SSH2: variants seen among roughly 807,000 people sequenced by gnomAD.
The protein encoded by SSH2 is slingshot protein phosphatase 2.
Under a neutral mutation model 135.2 loss-of-function variants are expected in SSH2, and 37 were observed. The observed-to-expected ratio is 0.27, with a 90% confidence interval of 0.21 to 0.36. The LOEUF (loss-of-function observed/expected upper bound fraction) is 0.36, where lower values mean the gene tolerates loss of function less well. SSH2 is among the 10% of genes least tolerant of loss of function. SSH2 has a pLI of 1.00. For missense variants in SSH2, 1,408 were observed against 1,765.3 expected, an observed-to-expected ratio of 0.80 and a Z score of 3.63; for synonymous variants, 628 against 646.2, an observed-to-expected ratio of 0.97 and a Z score of 0.43.
intron 1 of SSH2, chr17:29,928,613 G>T (rs1231147976): frequency 2.5e-6 from 1 of 398,400 alleles, no homozygotes; most frequent in Non-Finnish European, 4.4e-6. Context: ...TATAACCTTT[G>T]AAATAAAATC....
intron 13 of SSH2, among the ~76,000 whole-genome samples, chr17:29,648,826 G>A (rs1404095357): frequency 2.6e-5 from 4 of 152,050 alleles, no homozygotes; most frequent in Non-Finnish European, 5.9e-5. Flanking sequence ...GTGAAACCCC[G>A]TCTCTACTAA....
rs67531248 is a variant in SSH2, at chr17:29,719,080, AC to A, written c.189-16019del. On this transcript the variant is annotated intron_variant, in intron 3 of 15. Coordinates refer to ENST00000540801, the MANE Select transcript of SSH2 (RefSeq NM_001282129.2). ...AGGATAGCAATACTGGGCGGCAACAACCACTATGGACCACCCTGGAGGCCAG... is the reference window on the plus strand; with the variant it reads ...AGGATAGCAATACTGGGCGGCAACAACACTATGGACCACCCTGGAGGCCAG... Among the ~76,000 whole-genome samples the A allele has an allele frequency of 6.5e-3, 996 of 152,292 alleles. 6 individuals carry two copies. Among genetic ancestry groups the A allele is most frequent in the African/African-American group, 0.023 (954 of 41,572 alleles).
At chr17:29,704,637 A>G (rs2039123522) in intron 3 of SSH2, among the ~76,000 whole-genome samples, 1 of 146,898 alleles carries the variant, frequency 6.8e-6, no homozygotes, top group South Asian at 2.3e-4. Flanking sequence ...TAGGAGTTCG[A>G]GATTATAGTG....
intron 2 of SSH2, among the ~76,000 whole-genome samples, chr17:29,832,512 C>T (rs893220482): frequency 6.6e-6 from 1 of 152,156 alleles, no homozygotes; most frequent in Admixed American, 6.5e-5. Context: ...TTTAAAATTT[C>T]TTTCTTAACT....
chr17:29,660,663 T>C (rs928972024), intron 11 of SSH2, among the ~76,000 whole-genome samples: 1 of 152,112 alleles, frequency 6.6e-6, no homozygotes, highest in African/African-American at 2.4e-5. Flanking sequence ...GCAAAGTTTT[T>C]CCCATATTAA....
At chr17:29,867,486 C>T (rs910601553) in intron 1 of SSH2, among the ~76,000 whole-genome samples, 10 of 152,104 alleles carry the variant, frequency 6.6e-5, no homozygotes, top group Middle Eastern at 3.2e-3. Context: ...GAGATGCTAA[C>T]GTGTGTATCA....
intron 5 of SSH2, 78 bp from the exon 6 acceptor site, chr17:29,684,762 C>T (rs1206492598): frequency 2.6e-5 from 36 of 1,369,802 alleles, no homozygotes; most frequent in Non-Finnish European, 2.9e-5. Context: ...TTTTCATCAG[C>T]ATCTTAAAGC....
intron 3 of SSH2, among the ~76,000 whole-genome samples, chr17:29,748,185 A>G (rs1045596549): frequency 6.6e-6 from 1 of 152,134 alleles, no homozygotes; most frequent in Non-Finnish European, 1.5e-5. Context: ...CTCTTTTTTT[A>G]TACCCCTCAG....
intron 14 of SSH2, among the ~76,000 whole-genome samples, chr17:29,646,787 C>T (rs1298909721): frequency 1.3e-5 from 2 of 152,006 alleles, no homozygotes; most frequent in Admixed American, 1.3e-4. Context: ...TGTGAGCCAC[C>T]ACGCCCGGCC....
chr17:29,813,673 C>T (rs1337082935), intron 2 of SSH2, among the ~76,000 whole-genome samples: 1 of 150,980 alleles, frequency 6.6e-6, no homozygotes, highest in African/African-American at 2.4e-5. Context: ...CAAAAATTAG[C>T]CGGGCGTGGT....
chr17:29,631,379 T>C lies in SSH2; in HGVS notation c.3815A>G (p.Gln1272Arg). ...AKEIESRVVF[Q>R]AGLTKPSQMR... Reference sequence around the variant, plus strand: ...TTGGGATGGTTTGGTGAGCCCTGCCTGGAAAACCACTCGAGACTCGATTTC... The same window carrying C: ...TTGGGATGGTTTGGTGAGCCCTGCCCGGAAAACCACTCGAGACTCGATTTC... The change falls in exon 16 of 16, where the codon CAG (glutamine) becomes CGG (arginine). Residue 1272 changes from glutamine to arginine, a missense_variant. Around this residue, in one of 3 missense-constraint regions of SSH2, gnomAD observed 1,080 missense variants for 1,144.5 expected, o/e 0.94. Coordinates refer to ENST00000540801, the MANE Select transcript of SSH2 (RefSeq NM_001282129.2). 6.2e-7 allele frequency: 1 copy of C among 1,614,130 alleles called. No individual in the cohort carries two copies. Among genetic ancestry groups the C allele is most frequent in the South Asian group, 1.1e-5 (1 of 91,084 alleles).
At chr17:29,717,471 T>G (rs1389239734) in intron 3 of SSH2, among the ~76,000 whole-genome samples, 1 of 152,240 alleles carries the variant, frequency 6.6e-6, no homozygotes, top group East Asian at 1.9e-4. Flanking sequence ...ATCCAGCTTC[T>G]TTTGAAAAAT....
At position 29,632,314 on chromosome 17, in the gene SSH2, G is replaced by T. The variant is rs777717370; in HGVS notation, c.2880C>A (p.Gly960=). ...FVLKEPEMSK[G]KGKYSGSEAG... Reference sequence around the variant, plus strand: ...CCTCAGACCCACTGTATTTCCCTTTGCCTTTGCTCATTTCTGGTTCCTTGA... The same window carrying T: ...CCTCAGACCCACTGTATTTCCCTTTTCCTTTGCTCATTTCTGGTTCCTTGA... Residue 960 remains glycine, a synonymous_variant, in exon 16 of 16, where the codon GGC becomes GGA. Transcript: ENST00000540801. 1.9e-6 allele frequency: 3 copies of T among 1,613,878 alleles called. No homozygotes were observed. Among genetic ancestry groups the T allele is most frequent in the Non-Finnish European group, 2.5e-6 (3 of 1,179,940 alleles).
intron 5 of SSH2, among the ~76,000 whole-genome samples, chr17:29,687,652 G>A: frequency 6.6e-6 from 1 of 152,118 alleles, no homozygotes; most frequent in Non-Finnish European, 1.5e-5. Context: ...ACAAATCCTG[G>A]TGCAGGTAAA....
Position 29,732,818 on chromosome 17 carries a change from C to A in SSH2, c.189-29756G>T, listed in dbSNP as rs557153548. Among the ~76,000 whole-genome samples, 16 of 152,318 alleles carry A rather than the reference C, an allele frequency of 1.1e-4. No homozygotes were observed. The East Asian group carries it at 2.7e-3, about 26-fold the overall frequency. On this transcript the variant is annotated intron_variant, in intron 3 of 15. Transcript: ENST00000540801. The stretch of plus-strand genomic sequence containing the variant: ...GAACAACCAATGATCAATTTTATTT[C>A]ATCCGGAATAGATAAATGTATAATC...
Position 29,628,528 on chromosome 17 carries a change from C to T in SSH2, c.*2313G>A, listed in dbSNP as rs534020123. 11 of 152,114 alleles carry T rather than the reference C, an allele frequency of 7.2e-5. No homozygotes were observed. Among genetic ancestry groups the T allele is most frequent in the Non-Finnish European group, 1.5e-4 (10 of 68,018 alleles). The allele number at this position is 152,114 out of a possible 1,614,324, so 9.4% of individuals were successfully genotyped here. A position where few individuals can be genotyped will look rare whatever the true frequency, so the allele number is the denominator to read the frequency against. On this transcript the variant is annotated 3_prime_UTR_variant, in exon 16 of 16. Coordinates refer to ENST00000540801, the MANE Select transcript of SSH2 (RefSeq NM_001282129.2). Reference sequence around the variant, plus strand: ...CTCTTAACTTCCAGGCAAACCCTCTCCCCACCCTGCCATAAGTTCCTGCCC... The same window carrying T: ...CTCTTAACTTCCAGGCAAACCCTCTTCCCACCCTGCCATAAGTTCCTGCCC...
intron 5 of SSH2, among the ~76,000 whole-genome samples, chr17:29,688,832 T>C (rs1455281548): frequency 6.6e-6 from 1 of 152,104 alleles, no homozygotes; most frequent in East Asian, 1.9e-4. Context: ...AATTCTGAAA[T>C]GTGAGGGGAT....
At chr17:29,904,934 C>T (rs994765056) in intron 1 of SSH2, among the ~76,000 whole-genome samples, 3 of 152,098 alleles carry the variant, frequency 2.0e-5, no homozygotes, top group Non-Finnish European at 2.9e-5. Flanking sequence ...AGAAATACAG[C>T]TAACAAGGGA....
At chr17:29,741,002 T>C (rs1567935819) in intron 3 of SSH2, among the ~76,000 whole-genome samples, 1 of 152,204 alleles carries the variant, frequency 6.6e-6, no homozygotes, top group African/African-American at 2.4e-5. Context: ...GATAATTAGT[T>C]TCTTCATTGT....
Sources: gnomAD v4.1 joint callset for allele counts (sites outside exome capture counted in the v4.1 genomes callset) on GRCh38, gnomAD v4.1.1 for gene constraint, gnomAD v4.1.1 regional missense constraint, MANE v1.5 for transcripts, NCBI Gene and HGNC (gene_info 2026-07-23, HGNC 2026-07-21) for gene names.